Variants in ARHGAP12 observed in about 807,000 individuals in gnomAD.
ARHGAP12 encodes the protein Rho GTPase activating protein 12, also known as rho GTPase-activating protein 12.
ARHGAP12 carries 64 observed loss-of-function variants against 108.6 expected under a neutral mutation model. That is an observed-to-expected ratio of 0.59 (90% CI 0.48 to 0.73). ARHGAP12 has a LOEUF of 0.73. Ranked by LOEUF, ARHGAP12 falls within the 30% of genes least tolerant of loss-of-function variation. The probability of loss-of-function intolerance (pLI) is 0.00; values close to 1 mark genes in which losing one functional copy is unlikely to be tolerated. For synonymous variants in ARHGAP12, 312 were observed against 337.2 expected (o/e 0.93, Z 0.82); for missense variants, 940 against 1,005.9 (o/e 0.93, Z 0.89).
chr10:31,830,619 G>A (rs940921517), intron 10 of ARHGAP12, among the ~76,000 whole-genome samples: 2 of 151,632 alleles, frequency 1.3e-5, no homozygotes, highest in Non-Finnish European at 2.9e-5. Context: ...TTCCATGAAA[G>A]CAAACCCAAA....
intron 12 of ARHGAP12, 106 bp from the exon 13 acceptor site, chr10:31,817,992 C>T: frequency 2.6e-6 from 2 of 762,138 alleles, no homozygotes; most frequent in South Asian, 1.6e-5. Context: ...AGAGTAGCTG[C>T]CATATATTAT....
intron 7 of ARHGAP12, among the ~76,000 whole-genome samples, chr10:31,840,235 A>T (rs1052469591): frequency 1.1e-4 from 17 of 152,074 alleles, no homozygotes; most frequent in Non-Finnish European, 1.9e-4. Flanking sequence ...TCCAAAAATT[A>T]GAAATAAGAT....
At chr10:31,876,547 A>G (rs1438254287) in intron 3 of ARHGAP12, among the ~76,000 whole-genome samples, 2 of 68,564 alleles carry the variant, frequency 2.9e-5, no homozygotes, top group Non-Finnish European at 5.2e-5. Context: ...AAAAACCACC[A>G]AAAAAAAAAA....
At chr10:31,896,538 T>G (rs542190283) in intron 3 of ARHGAP12, among the ~76,000 whole-genome samples, 1 of 152,216 alleles carries the variant, frequency 6.6e-6, no homozygotes, top group East Asian at 1.9e-4. Flanking sequence ...AGATCATACT[T>G]TCTAATGATA....
chr10:31,835,462 G>A (rs1347875242), intron 9 of ARHGAP12, among the ~76,000 whole-genome samples: 1 of 152,060 alleles, frequency 6.6e-6, no homozygotes, highest in Non-Finnish European at 1.5e-5. Flanking sequence ...GCAAATTATG[G>A]TTAAATTGAG....
chr10:31,835,939 G>C (rs924142127), intron 9 of ARHGAP12, among the ~76,000 whole-genome samples: 3 of 152,060 alleles, frequency 2.0e-5, no homozygotes, highest in African/African-American at 7.2e-5. Context: ...AGCCACACAC[G>C]TTGTAAATAT....
intron 7 of ARHGAP12, 98 bp from the exon 8 acceptor site, chr10:31,839,809 A>AT: frequency 2.2e-6 from 2 of 919,466 alleles, no homozygotes; most frequent in East Asian, 5.9e-5. Context: ...AGAATAACAA[A>AT]TTTTTTCCTC....
intron 7 of ARHGAP12, among the ~76,000 whole-genome samples, chr10:31,841,665 C>G (rs935677473): frequency 1.3e-5 from 2 of 152,086 alleles, no homozygotes; most frequent in African/African-American, 2.4e-5. Context: ...TAGGCTAAGC[C>G]ATGATGTACA....
chr10:31,826,498 G>A (rs1835615680), intron 10 of ARHGAP12, 113 bp from the exon 11 acceptor site: 1 of 755,678 alleles, frequency 1.3e-6, no homozygotes, highest in Non-Finnish European at 2.1e-6. Flanking sequence ...TTACAGCCTT[G>A]TTGACATTTT....
intron 1 of ARHGAP12, among the ~76,000 whole-genome samples, chr10:31,926,273 A>C (rs1840036931): frequency 6.6e-6 from 1 of 152,056 alleles, no homozygotes; most frequent in Non-Finnish European, 1.5e-5. Flanking sequence ...CAATGAAAGT[A>C]ATAGGGAAAT....
intron 3 of ARHGAP12, among the ~76,000 whole-genome samples, chr10:31,903,221 T>C (rs1337697913): frequency 6.6e-6 from 1 of 152,230 alleles, no homozygotes; most frequent in Non-Finnish European, 1.5e-5. Flanking sequence ...TATAGCCTAT[T>C]GCTCCTAGGT....
rs1342187740 is a variant in ARHGAP12, at chr10:31,895,672, G to T, written c.684+12500C>A. Among the ~76,000 whole-genome samples, 6 of 152,126 alleles carry T rather than the reference G, an allele frequency of 3.9e-5. No homozygotes were observed. In the East Asian group the frequency reaches 5.8e-4, roughly 15 times the overall value. On this transcript the variant is annotated intron_variant, in intron 3 of 19. Transcript: ENST00000344936. ...TAAACTAGTTCAACCATTGTGGAAG[G>T]CAGTGTGGCGATTCCTCAAGGATCT...
At chr10:31,883,388 T>C (rs1376517548) in intron 3 of ARHGAP12, among the ~76,000 whole-genome samples, 2 of 152,216 alleles carry the variant, frequency 1.3e-5, no homozygotes, top group South Asian at 4.1e-4. Context: ...ACTAAATAGA[T>C]AAAAGGTGAG....
intron 19 of ARHGAP12, among the ~76,000 whole-genome samples, chr10:31,808,294 T>C (rs1307578733): frequency 6.6e-6 from 1 of 152,170 alleles, no homozygotes; most frequent in East Asian, 1.9e-4. Context: ...ATGAAAGAAC[T>C]TGGTTATTAA....
In ARHGAP12 at chr10:31,878,606, T is replaced by C. The variant is rs568996108; in HGVS notation, c.685-16948A>G. ...CAGTTCCCTATATTCCTTTATAGTATAGGGATAAGCAAACTATGGTCCAAA... is the reference window on the plus strand; with the variant it reads ...CAGTTCCCTATATTCCTTTATAGTACAGGGATAAGCAAACTATGGTCCAAA... On this transcript the variant is annotated intron_variant, in intron 3 of 19. Coordinates refer to ENST00000344936, the MANE Select transcript of ARHGAP12 (RefSeq NM_018287.7). 2.6e-5 allele frequency among the ~76,000 whole-genome samples: 4 copies of C among 152,364 alleles called. No individual in the cohort carries two copies. The East Asian group carries it at 7.7e-4, about 29-fold the overall frequency.
At chr10:31,887,258 C>A (rs1214802833) in intron 3 of ARHGAP12, among the ~76,000 whole-genome samples, 1 of 152,098 alleles carries the variant, frequency 6.6e-6, no homozygotes, top group African/African-American at 2.4e-5. Context: ...TTTGTTCTAC[C>A]AAGGTATTCA....
rs1030256074 is a variant in ARHGAP12, at chr10:31,806,522, G to A, written c.*1136C>T. ...CAACATCCATCTAATTTACAGATGG[G>A]TTTCCACTATTCATACTGGAATTAG... On this transcript the variant is annotated 3_prime_UTR_variant, in exon 20 of 20. Coordinates refer to ENST00000344936, the MANE Select transcript of ARHGAP12 (RefSeq NM_018287.7). 6.6e-6 allele frequency: 1 copy of A among 152,482 alleles called. No homozygotes were observed. Among genetic ancestry groups the A allele is most frequent in the African/African-American group, 2.4e-5 (1 of 41,412 alleles). The allele number at this position is 152,482 out of a possible 1,614,324, so 9.4% of individuals were successfully genotyped here.
chr10:31,897,996 A>G (rs1024832023), intron 3 of ARHGAP12, among the ~76,000 whole-genome samples: 4 of 152,000 alleles, frequency 2.6e-5, no homozygotes, highest in Non-Finnish European at 4.4e-5. Flanking sequence ...CTTGTTTTTG[A>G]GCCTGCTGTC....
At chr10:31,890,395 G>A (rs1838371550) in intron 3 of ARHGAP12, among the ~76,000 whole-genome samples, 2 of 152,262 alleles carry the variant, frequency 1.3e-5, no homozygotes, top group South Asian at 4.1e-4. Context: ...TATAAATACT[G>A]AGGATTAGGT....
Sources: allele counts gnomAD v4.1 joint callset (sites outside exome capture counted in the v4.1 genomes callset), GRCh38; gene constraint gnomAD v4.1.1; transcripts MANE v1.5; gene names NCBI Gene and HGNC (gene_info 2026-07-23, HGNC 2026-07-21).